Variants in CDC42BPA observed in about 807,000 individuals in gnomAD.
The protein encoded by CDC42BPA is serine/threonine-protein kinase MRCK alpha.
A neutral mutation model predicts 223.5 loss-of-function variants in CDC42BPA; 80 were observed. That is an observed-to-expected ratio of 0.36 (90% CI 0.30 to 0.43). CDC42BPA has a LOEUF of 0.43. CDC42BPA is among the 20% of genes least tolerant of loss of function. The probability of loss-of-function intolerance (pLI) is 1.00; values close to 1 mark genes in which losing one functional copy is unlikely to be tolerated. For synonymous variants in CDC42BPA, 694 were observed against 718.6 expected, an observed-to-expected ratio of 0.97 and a Z score of 0.55; for missense variants, 1,743 against 2,099.9, an observed-to-expected ratio of 0.83 and a Z score of 3.32.
chr1:227,277,672 T>A (rs1038948463), intron 1 of CDC42BPA, among the ~76,000 whole-genome samples: 1 of 152,206 alleles, frequency 6.6e-6, no homozygotes, highest in Non-Finnish European at 1.5e-5. Context: ...TGCAAACAAT[T>A]GATAAAATTC....
At chr1:227,187,672 A>ACC (rs150262459) in intron 5 of CDC42BPA, among the ~76,000 whole-genome samples, 5 of 39,596 alleles carry the variant, frequency 1.3e-4, no homozygotes, top group East Asian at 1.4e-3. Flanking sequence ...GATAAATGGC[A>ACC]CCCCCCACCC....
intron 3 of CDC42BPA, among the ~76,000 whole-genome samples, chr1:227,201,328 TCTA>T (rs905879449): frequency 6.6e-6 from 1 of 151,852 alleles, no homozygotes; most frequent in Non-Finnish European, 1.5e-5. Flanking sequence ...TTTATCTCTT[TCTA>T]GAGACGAGGT....
intron 21 of CDC42BPA, among the ~76,000 whole-genome samples, chr1:227,057,415 G>C (rs1674812994): frequency 6.6e-6 from 1 of 151,856 alleles, no homozygotes; most frequent in Non-Finnish European, 1.5e-5. Flanking sequence ...CTAAAAACAT[G>C]GTATATAACA....
At position 227,004,900 on chromosome 1, in the gene CDC42BPA, C is replaced by T. The variant is rs199864484; in HGVS notation, c.4975+94G>A. 1.1e-3 allele frequency: 972 copies of T among 867,746 alleles called. 2 individuals are homozygous for T. The highest frequency in any genetic ancestry group is 3.2e-3 in the South Asian group (241 of 75,896). The allele number at this position is 867,746 out of a possible 1,614,324, so 53.8% of individuals were successfully genotyped here. A position where few individuals can be genotyped will look rare whatever the true frequency, so the allele number is the denominator to read the frequency against. On this transcript the variant is annotated intron_variant, in intron 35 of 36. Coordinates refer to ENST00000366766, the MANE Select transcript of CDC42BPA (RefSeq NM_001394014.1). ...GCCACTTGAGAATGCAATGGGCACA[C>T]GTAAGTGAAGGACATGTCACCCACG...
intron 31 of CDC42BPA, among the ~76,000 whole-genome samples, chr1:227,024,618 T>G (rs749977979): frequency 1.9e-4 from 29 of 152,162 alleles, no homozygotes; most frequent in Non-Finnish European, 3.5e-4. Context: ...CAATAAACTA[T>G]ATGGTATATA....
At chr1:227,063,532 G>A (rs909995128) in intron 21 of CDC42BPA, among the ~76,000 whole-genome samples, 12 of 151,770 alleles carry the variant, frequency 7.9e-5, no homozygotes, top group East Asian at 1.9e-4. Flanking sequence ...TTATATATGC[G>A]ATAAAATACG....
At chr1:227,227,017 G>A (rs1022273309) in intron 2 of CDC42BPA, among the ~76,000 whole-genome samples, 30 of 152,020 alleles carry the variant, frequency 2.0e-4, no homozygotes, top group African/African-American at 7.2e-4. Flanking sequence ...AGAGCTAATA[G>A]GGAAACTCAA....
rs545512314 is a variant in CDC42BPA, at chr1:227,210,171, G to A, written c.354+2965C>T. On this transcript the variant is annotated intron_variant, in intron 3 of 36. Transcript: ENST00000366766. ...AGTCTTTGCTATTGTGAATAGTGCC[G>A]CAATAAACATACGTGTGCATGTGTC... Among the ~76,000 whole-genome samples the A allele has an allele frequency of 7.0e-4, 106 of 152,186 alleles. 3 individuals carry two copies. The South Asian group carries it at 0.02, about 29-fold the overall frequency.
chr1:227,119,652 T>C (rs1688315226), intron 12 of CDC42BPA, 152 bp downstream of exon 12: 1 of 468,024 alleles, frequency 2.1e-6, no homozygotes, highest in Non-Finnish European at 3.5e-6. Flanking sequence ...CCAAATAACA[T>C]ACACCAAAAT....
chr1:227,096,011 A>G lies in CDC42BPA; in HGVS notation c.2250-4020T>C, dbSNP rs117883118. On this transcript the variant is annotated intron_variant, in intron 15 of 36. Transcript: ENST00000366766. Reference sequence around the variant, plus strand: ...AATTCCATGTGGATCAGTTCTGGGTAATTTTATATGATTGCTTTCTGGTGA... The same window carrying G: ...AATTCCATGTGGATCAGTTCTGGGTGATTTTATATGATTGCTTTCTGGTGA... 3.1e-4 allele frequency among the ~76,000 whole-genome samples: 47 copies of G among 152,344 alleles called. 1 individual carries two copies. The East Asian group carries it at 5.8e-3, about 19-fold the overall frequency.
intron 1 of CDC42BPA, among the ~76,000 whole-genome samples, chr1:227,316,481 A>G (rs549676089): frequency 6.3e-4 from 96 of 152,340 alleles, no homozygotes; most frequent in Non-Finnish European, 1.2e-3. Flanking sequence ...TAATTTTTGG[A>G]AAGTCCATGT....
At chr1:227,011,036 G>C (rs116416229) in intron 34 of CDC42BPA, 21,725 of 1,354,368 alleles carry the variant, frequency 0.016, 240 homozygotes, top group South Asian at 0.032. Flanking sequence ...CCGGAGTGAT[G>C]ATGAGGGGAT....
rs1451303210 is a variant in CDC42BPA, at chr1:227,317,358, GA to G, written c.-177del. The stretch of plus-strand genomic sequence containing the variant: ...AACACACCAGTAACCTCACTTAACT[GA>G]AGCGTCTTCAATTTCACCCATATAC... On this transcript the variant is annotated 5_prime_UTR_variant, in exon 1 of 37. The change creates a premature stop within an existing upstream ORF in the 5' untranslated region. Transcript: ENST00000366766. The G allele has an allele frequency of 5.2e-6, 3 of 574,380 alleles. No individual in the cohort carries two copies. Among genetic ancestry groups the G allele is most frequent in the Non-Finnish European group, 5.9e-6 (2 of 339,042 alleles). The allele number at this position is 574,380 out of a possible 1,614,324, so 35.6% of individuals were successfully genotyped here. A position where few individuals can be genotyped will look rare whatever the true frequency, so the allele number is the denominator to read the frequency against.
intron 22 of CDC42BPA, among the ~76,000 whole-genome samples, chr1:227,050,425 T>C (rs936350489): frequency 1.2e-4 from 18 of 152,174 alleles, no homozygotes; most frequent in Non-Finnish European, 2.2e-4. Context: ...AACTTGAAAA[T>C]GCATATAACA....
intron 11 of CDC42BPA, among the ~76,000 whole-genome samples, chr1:227,126,460 CAAGAAAGGAAGGAAGG>C (rs1689615770): frequency 1.1e-5 from 1 of 94,392 alleles, no homozygotes; most frequent in Admixed American, 1.3e-4. Flanking sequence ...ACAGGCAGTA[CAAGAAAGGAAGGAAGG>C]AAGGAAGGAA....
At chr1:227,061,807 G>GA (rs1478602717) in intron 21 of CDC42BPA, among the ~76,000 whole-genome samples, 1 of 152,088 alleles carries the variant, frequency 6.6e-6, no homozygotes, top group East Asian at 1.9e-4. Context: ...GAGATTCCAG[G>GA]TTTCTGTCCT....
At chr1:227,152,687 G>C (rs565206017) in intron 6 of CDC42BPA, among the ~76,000 whole-genome samples, 1 of 152,140 alleles carries the variant, frequency 6.6e-6, no homozygotes, top group East Asian at 1.9e-4. Context: ...TAAGATACTA[G>C]AAATAAGTAT....
At chr1:227,094,945 T>C (rs558501907) in intron 15 of CDC42BPA, among the ~76,000 whole-genome samples, 318 of 152,294 alleles carry the variant, frequency 2.1e-3, no homozygotes, top group Non-Finnish European at 2.3e-3. Context: ...CATTAATAAA[T>C]ACACCAGTGA....
At chr1:227,053,132 G>A (rs1673874911) in intron 21 of CDC42BPA, among the ~76,000 whole-genome samples, 1 of 152,068 alleles carries the variant, frequency 6.6e-6, no homozygotes, top group Non-Finnish European at 1.5e-5. Context: ...CTCAAGTTGG[G>A]GATATTTTCC....
Sources: gnomAD v4.1 joint callset for allele counts (sites outside exome capture counted in the v4.1 genomes callset) on GRCh38, gnomAD v4.1.1 for gene constraint, MANE v1.5 for transcripts, NCBI Gene and HGNC (gene_info 2026-07-23, HGNC 2026-07-21) for gene names.